The following GPM6A variants were observed in gnomAD, a reference collection of about 807,000 sequenced individuals.
The protein encoded by GPM6A is neuronal membrane glycoprotein M6-a.
In GPM6A, 7 loss-of-function variants were observed where a neutral mutation model predicts 32.1. That is an observed-to-expected ratio of 0.22 (90% CI 0.12 to 0.41). The LOEUF (loss-of-function observed/expected upper bound fraction) is 0.41, where lower values mean the gene tolerates loss of function less well. GPM6A is among the 10% of genes least tolerant of loss of function. The probability of loss-of-function intolerance (pLI) is 1.00; values close to 1 mark genes in which losing one functional copy is unlikely to be tolerated. For synonymous variants in GPM6A, 130 were observed against 123.4 expected, an observed-to-expected ratio of 1.05 and a Z score of -0.35; for missense variants, 235 against 347.2, an observed-to-expected ratio of 0.68 and a Z score of 2.57.
At chr4:175,728,050 C>T (rs1731258605) in intron 1 of GPM6A, among the ~76,000 whole-genome samples, 1 of 150,904 alleles carries the variant, frequency 6.6e-6, no homozygotes, top group Admixed American at 6.6e-5. Flanking sequence ...AGAAAATATC[C>T]TTAACAATTT....
intron 1 of GPM6A, among the ~76,000 whole-genome samples, chr4:175,788,720 C>T (rs899273263): frequency 1.1e-4 from 16 of 152,070 alleles, no homozygotes; most frequent in African/African-American, 2.9e-4. Flanking sequence ...GATTTTGTTT[C>T]GGAAGTAAAT....
At chr4:175,815,533 C>G (rs1446955431), upstream of GPM6A, among the ~76,000 whole-genome samples, 1 of 151,980 alleles carries the variant, frequency 6.6e-6, no homozygotes, top group African/African-American at 2.4e-5. Flanking sequence ...TCATCTAATA[C>G]TCTTTCCATT....
At chr4:175,881,672 C>T (rs925909091) in intron 1 of GPM6A, among the ~76,000 whole-genome samples, 2 of 152,064 alleles carry the variant, frequency 1.3e-5, no homozygotes, top group East Asian at 1.9e-4. Flanking sequence ...CCATAAAAAA[C>T]GATGAGTTCA....
chr4:175,638,629 G>A (rs547542026), intron 6 of GPM6A, among the ~76,000 whole-genome samples: 1 of 152,180 alleles, frequency 6.6e-6, no homozygotes, highest in African/African-American at 2.4e-5. Flanking sequence ...TTTCACTAGT[G>A]TATACCTGTA....
intron 1 of GPM6A, among the ~76,000 whole-genome samples, chr4:175,832,951 C>A (rs1256018501): frequency 6.6e-6 from 1 of 152,138 alleles, no homozygotes. Context: ...GCGAAGCCAT[C>A]ATCTCCATTT....
At chr4:175,845,856 G>A (rs1736070853) in intron 1 of GPM6A, among the ~76,000 whole-genome samples, 1 of 151,984 alleles carries the variant, frequency 6.6e-6, no homozygotes. Context: ...AACCTTGACT[G>A]TCTCTCCATT....
intron 4 of GPM6A, among the ~76,000 whole-genome samples, chr4:175,643,026 TC>T (rs199867932): frequency 9.4e-4 from 143 of 152,224 alleles, no homozygotes; most frequent in Middle Eastern, 6.8e-3. Context: ...TTCTCTTTTT[TC>T]CCCCGCAAAC....
At chr4:175,701,222 A>G (rs773787702) in intron 2 of GPM6A, among the ~76,000 whole-genome samples, 2 of 152,222 alleles carry the variant, frequency 1.3e-5, no homozygotes, top group African/African-American at 4.8e-5. Context: ...TAAAATTAGT[A>G]GCAAGGGCCA....
chr4:175,684,912 G>A (rs985940297), intron 2 of GPM6A, among the ~76,000 whole-genome samples: 6 of 151,366 alleles, frequency 4.0e-5, no homozygotes, highest in South Asian at 2.1e-4. Flanking sequence ...TTTTTGAGAC[G>A]GAGTCTCGCT....
intron 1 of GPM6A, among the ~76,000 whole-genome samples, chr4:175,921,771 G>A (rs1165790892): frequency 6.6e-6 from 1 of 152,114 alleles, no homozygotes; most frequent in East Asian, 1.9e-4. Flanking sequence ...TCTTGCCTTT[G>A]TTTTTGGAGT....
chr4:175,960,055 C>T (rs1020284187), intron 1 of GPM6A, among the ~76,000 whole-genome samples: 3 of 152,262 alleles, frequency 2.0e-5, no homozygotes, highest in Non-Finnish European at 4.4e-5. Context: ...ATGGTTACAT[C>T]GTCACTAAGT....
intron 1 of GPM6A, among the ~76,000 whole-genome samples, chr4:175,954,282 T>G (rs954504540): frequency 9.9e-5 from 15 of 152,234 alleles, no homozygotes; most frequent in African/African-American, 3.6e-4. Context: ...ACAACAGAGA[T>G]CTAGAACGTT....
intron 2 of GPM6A, among the ~76,000 whole-genome samples, chr4:175,698,213 G>A (rs2111055377): frequency 6.6e-6 from 1 of 152,262 alleles, no homozygotes; most frequent in Non-Finnish European, 1.5e-5. Flanking sequence ...TTATCTTTTA[G>A]TTCACACATC....
chr4:175,801,644 C>T (rs1043835994), intron 1 of GPM6A, among the ~76,000 whole-genome samples: 2 of 151,994 alleles, frequency 1.3e-5, no homozygotes, highest in South Asian at 2.1e-4. Context: ...AATAAATACA[C>T]TATGTTTTTT....
chr4:175,971,984 T>C (rs905183002), intron 1 of GPM6A: 15 of 152,136 alleles, frequency 9.9e-5, no homozygotes, highest in Admixed American at 9.2e-4. Flanking sequence ...CTGAGTACAT[T>C]GTTCTCCGCG....
At chr4:175,683,480 G>T (rs1393741169) in intron 2 of GPM6A, among the ~76,000 whole-genome samples, 1 of 152,128 alleles carries the variant, frequency 6.6e-6, no homozygotes, top group Admixed American at 6.5e-5. Flanking sequence ...AAGGACATGA[G>T]ATTTGGGAGA....
intron 1 of GPM6A, among the ~76,000 whole-genome samples, chr4:175,884,319 CA>C (rs1737380820): frequency 6.6e-6 from 1 of 152,116 alleles, no homozygotes; most frequent in Admixed American, 6.5e-5. Flanking sequence ...AGTGATGATT[CA>C]CATCATTTAC....
chr4:175,918,403 TTAAG>T (rs1355137411), intron 1 of GPM6A, among the ~76,000 whole-genome samples: 2 of 151,990 alleles, frequency 1.3e-5, no homozygotes, highest in Non-Finnish European at 2.9e-5. Flanking sequence ...AGAAAAATCT[TTAAG>T]TAGGGAAAAG....
chr4:175,922,218 A>C (rs149822703), intron 1 of GPM6A, among the ~76,000 whole-genome samples: 201 of 152,336 alleles, frequency 1.3e-3, no homozygotes, highest in African/African-American at 4.5e-3. Flanking sequence ...AATTCATGTT[A>C]GCTTCCTCTC....
Sources: allele counts gnomAD v4.1 joint callset (sites outside exome capture counted in the v4.1 genomes callset), GRCh38; gene constraint gnomAD v4.1.1; transcripts MANE v1.5; gene names NCBI Gene and HGNC (gene_info 2026-07-23, HGNC 2026-07-21).